The following KCNS3 variants were observed in gnomAD, a reference collection of about 807,000 sequenced individuals.
KCNS3 encodes the protein potassium voltage-gated channel modifier subfamily S member 3, also known as delayed-rectifier potassium channel regulatory subunit KCNS3.
KCNS3 carries 13 observed loss-of-function variants against 31.0 expected under a neutral mutation model. The ratio of observed to expected loss-of-function variants is 0.42; its 90% CI spans 0.27 to 0.67. The LOEUF (loss-of-function observed/expected upper bound fraction) is 0.67, where lower values mean the gene tolerates loss of function less well. KCNS3 is among the 30% of genes least tolerant of loss of function. The pLI is 0.25. For synonymous variants in KCNS3, 238 were observed against 241.5 expected (o/e 0.99, Z 0.13); for missense variants, 545 against 622.4 (o/e 0.88, Z 1.32).
At chr2:17,901,336 A>C (rs1369957968) in intron 1 of KCNS3, among the ~76,000 whole-genome samples, 1 of 151,914 alleles carries the variant, frequency 6.6e-6, no homozygotes, top group African/African-American at 2.4e-5. Context: ...GGATAGAAAA[A>C]AAAATCGAGT....
chr2:17,889,017 C>T (rs1291375683), intron 1 of KCNS3, among the ~76,000 whole-genome samples: 1 of 152,008 alleles, frequency 6.6e-6, no homozygotes, highest in Admixed American at 6.6e-5. Flanking sequence ...TTGCCTTTGG[C>T]AGTATGGTCA....
intron 1 of KCNS3, among the ~76,000 whole-genome samples, chr2:17,909,469 C>A (rs947943362): frequency 6.6e-6 from 1 of 152,098 alleles, no homozygotes. Context: ...ACTGTCCTGC[C>A]CCCACTGTCT....
At chr2:17,922,932 A>T (rs1017614259) in intron 2 of KCNS3, among the ~76,000 whole-genome samples, 1 of 152,126 alleles carries the variant, frequency 6.6e-6, no homozygotes, top group Admixed American at 6.6e-5. Flanking sequence ...TTGTTTGAAC[A>T]TATGTTTTCA....
chr2:17,884,182 C>A (rs1195323528), intron 1 of KCNS3, among the ~76,000 whole-genome samples: 6 of 146,564 alleles, frequency 4.1e-5, no homozygotes, highest in Admixed American at 3.4e-4. Context: ...GTGCAGCACA[C>A]CAACATGGCA....
intron 1 of KCNS3, among the ~76,000 whole-genome samples, chr2:17,880,963 C>T (rs1003985062): frequency 6.6e-6 from 1 of 152,182 alleles, no homozygotes; most frequent in Non-Finnish European, 1.5e-5. Flanking sequence ...AGAGTAGGCA[C>T]CACAGGGTTT....
chr2:17,902,334 CTGTGTGTGTG>C lies in KCNS3; in HGVS notation c.-251-15314_-251-15305del, dbSNP rs61498649. Among the ~76,000 whole-genome samples the C allele has an allele frequency of 6.1e-3, 913 of 149,732 alleles. 12 individuals carry two copies. The highest frequency in any genetic ancestry group is 0.017 in the African/African-American group (699 of 40,760). On this transcript the variant is annotated intron_variant, in intron 1 of 2. Coordinates refer to ENST00000304101, the MANE Select transcript of KCNS3 (RefSeq NM_002252.5). ...CAGAGAGGAATTTGAGGTTGGGAGACTGTGTGTGTGTGTGTGTGTGTGTGTGTGTGTGTGT... is the reference window on the plus strand; with the variant it reads ...CAGAGAGGAATTTGAGGTTGGGAGACTGTGTGTGTGTGTGTGTGTGTGTGT...
chr2:17,922,680 G>A (rs1662745265), intron 2 of KCNS3, among the ~76,000 whole-genome samples: 1 of 149,568 alleles, frequency 6.7e-6, no homozygotes, highest in Admixed American at 6.7e-5. Context: ...CCAGCCCCCA[G>A]CAACCACTAA....
intron 1 of KCNS3, among the ~76,000 whole-genome samples, chr2:17,906,204 C>T (rs968447306): frequency 2.0e-5 from 3 of 152,084 alleles, no homozygotes; most frequent in Admixed American, 2.0e-4. Flanking sequence ...TGTATGTGTC[C>T]AGGAATTTAT....
chr2:17,925,501 A>C (rs971578310), intron 2 of KCNS3, among the ~76,000 whole-genome samples: 2 of 152,206 alleles, frequency 1.3e-5, no homozygotes, highest in African/African-American at 2.4e-5. Flanking sequence ...TAGAAAGAAA[A>C]GAGATTTAAT....
chr2:17,928,218 C>T (rs1465981206), intron 2 of KCNS3, among the ~76,000 whole-genome samples: 1 of 152,100 alleles, frequency 6.6e-6, no homozygotes, highest in Non-Finnish European at 1.5e-5. Flanking sequence ...ATTGTTCTTT[C>T]ATTGCTGATT....
intron 1 of KCNS3, among the ~76,000 whole-genome samples, chr2:17,914,977 C>G (rs1200681926): frequency 2.0e-5 from 3 of 152,186 alleles, no homozygotes; most frequent in Non-Finnish European, 2.9e-5. Context: ...ATTTGCTTTT[C>G]CTTGGGTTCT....
At chr2:17,909,183 G>T (rs1300335840) in intron 1 of KCNS3, among the ~76,000 whole-genome samples, 1 of 152,184 alleles carries the variant, frequency 6.6e-6, no homozygotes, top group Non-Finnish European at 1.5e-5. Flanking sequence ...CAGCCTCGCT[G>T]CCACCTTGCA....
At chr2:17,902,802 A>G (rs551205044) in intron 1 of KCNS3, among the ~76,000 whole-genome samples, 2 of 152,304 alleles carry the variant, frequency 1.3e-5, no homozygotes, top group South Asian at 4.1e-4. Flanking sequence ...CTGTATGATG[A>G]TCTTATCAGC....
chr2:17,922,379 A>G (rs1255445999), intron 2 of KCNS3, among the ~76,000 whole-genome samples: 1 of 152,082 alleles, frequency 6.6e-6, no homozygotes, highest in African/African-American at 2.4e-5. Context: ...TATAATTTTA[A>G]AAAATGATAA....
intron 1 of KCNS3, among the ~76,000 whole-genome samples, chr2:17,884,269 ATATATATATATATATATAT>A (rs1256646817): frequency 8.4e-5 from 3 of 35,570 alleles, no homozygotes; most frequent in African/African-American, 1.9e-4. Flanking sequence ...AAAAAAAAAA[ATATATATATATATATATAT>A]ATATATATAT....
rs12469361 is a variant in KCNS3 at position 17,895,162 on chromosome 2, G to C, written c.-252+16356G>C. 5.8e-3 allele frequency among the ~76,000 whole-genome samples: 889 copies of C among 152,252 alleles called. 27 individuals are homozygous for C. The highest frequency in any genetic ancestry group is 0.048 in the Admixed American group (729 of 15,292). On this transcript the variant is annotated intron_variant, in intron 1 of 2. Coordinates refer to ENST00000304101, the MANE Select transcript of KCNS3 (RefSeq NM_002252.5). Reference sequence around the variant, plus strand: ...TCACTACCTTCCAAAGAATGGTCTAGATGCTATATAAACCATCATATTTAT... The same window carrying C: ...TCACTACCTTCCAAAGAATGGTCTACATGCTATATAAACCATCATATTTAT...
chr2:17,888,626 A>AAGT (rs1553341384), intron 1 of KCNS3, among the ~76,000 whole-genome samples: 445 of 47,398 alleles, frequency 9.4e-3, no homozygotes, highest in Non-Finnish European at 0.013. Flanking sequence ...TAATAAAAAA[A>AAGT]ATGTATATAT....
At chr2:17,907,552 C>A (rs1205429098) in intron 1 of KCNS3, among the ~76,000 whole-genome samples, 2 of 152,224 alleles carry the variant, frequency 1.3e-5, no homozygotes, top group African/African-American at 2.4e-5. Flanking sequence ...TTATTCCTAG[C>A]ATCGATGATC....
At position 17,886,682 on chromosome 2, in the gene KCNS3, G is replaced by GTCCATCCA. The variant is rs61140648; in HGVS notation, c.-252+7904_-252+7911dup. On this transcript the variant is annotated intron_variant, in intron 1 of 2. Coordinates refer to ENST00000304101, the MANE Select transcript of KCNS3 (RefSeq NM_002252.5). ...TCTGGGTGTCCCCATCCATCCGTCC[G>GTCCATCCA]TCCATCCATCCATCCATCCATCCAT... Among the ~76,000 whole-genome samples the GTCCATCCA allele has an allele frequency of 7.1e-3, 1,066 of 150,090 alleles. 12 individuals are homozygous for GTCCATCCA. The highest frequency in any genetic ancestry group is 0.018 in the African/African-American group (718 of 40,460).
Sources: gnomAD v4.1 joint callset for allele counts (sites outside exome capture counted in the v4.1 genomes callset) on GRCh38, gnomAD v4.1.1 for gene constraint, MANE v1.5 for transcripts, NCBI Gene and HGNC (gene_info 2026-07-23, HGNC 2026-07-21) for gene names.